Variants in ROBO1 observed in about 807,000 individuals in gnomAD.
The protein encoded by ROBO1 is roundabout guidance receptor 1.
ROBO1 carries 149 observed loss-of-function variants against 195.9 expected under a neutral mutation model. The ratio of observed to expected loss-of-function variants is 0.76; its 90% confidence interval spans 0.67 to 0.87. ROBO1 has a LOEUF of 0.87. Ranked by LOEUF, ROBO1 falls within the 40% of genes least tolerant of loss-of-function variation. ROBO1 has a pLI of 0.00. For missense variants in ROBO1, 1,933 were observed against 2,068.3 expected (o/e 0.93, Z 1.27); for synonymous variants, 816 against 733.2 (o/e 1.11, Z -1.82).
chr3:79,336,518 G>A (rs1208801758), intron 2 of ROBO1, among the ~76,000 whole-genome samples: 4 of 152,198 alleles, frequency 2.6e-5, no homozygotes, highest in Admixed American at 2.0e-4. Context: ...GAAGAATTGA[G>A]GTTTGGGAAC....
chr3:79,460,838 C>T (rs990824856), intron 2 of ROBO1, among the ~76,000 whole-genome samples: 1 of 152,102 alleles, frequency 6.6e-6, no homozygotes, highest in Admixed American at 6.5e-5. Flanking sequence ...AGCTGCACCT[C>T]CCTGGTTCAC....
At chr3:79,388,309 T>C (rs1218837116) in intron 2 of ROBO1, among the ~76,000 whole-genome samples, 1 of 151,976 alleles carries the variant, frequency 6.6e-6, no homozygotes, top group Non-Finnish European at 1.5e-5. Flanking sequence ...TTTCATATAA[T>C]TAAAAAGGGA....
intron 1 of ROBO1, among the ~76,000 whole-genome samples, chr3:79,686,618 T>G (rs1282597032): frequency 1.2e-4 from 18 of 152,256 alleles, no homozygotes; most frequent in Admixed American, 6.5e-4. Flanking sequence ...CCATTCACAA[T>G]TGCTTCAAAG....
chr3:78,746,806 A>C lies in ROBO1; in HGVS notation c.594T>G (p.Pro198=). 1 of 1,601,160 alleles carries C rather than the reference A, an allele frequency of 6.2e-7. No individual in the cohort carries two copies. Among genetic ancestry groups the C allele is most frequent in the Non-Finnish European group, 8.5e-7 (1 of 1,170,910 alleles). Residue 198 remains proline (P), a synonymous_variant, in exon 5 of 31, where the codon CCT becomes CCG. Transcript: ENST00000464233. The stretch of plus-strand genomic sequence containing the variant: ...CTTTCTTCCATGAAATGGTGGGCTC[A>C]GGATGGCCTCGTGGAGGTTGGCATT... ...VMECQPPRGH[P]EPTISWKKDG...
intron 8 of ROBO1, among the ~76,000 whole-genome samples, chr3:78,692,053 T>C (rs2081187578): frequency 1.3e-5 from 2 of 151,496 alleles, no homozygotes; most frequent in East Asian, 3.9e-4. Context: ...ATATAATACA[T>C]AATAAAGTAT....
chr3:78,606,428 T>C (rs1368139014), intron 29 of ROBO1, among the ~76,000 whole-genome samples: 1 of 152,208 alleles, frequency 6.6e-6, no homozygotes, highest in East Asian at 1.9e-4. Context: ...AACATTCATT[T>C]TCACACATTC....
chr3:79,065,082 C>T (rs2078982778), intron 3 of ROBO1, among the ~76,000 whole-genome samples: 1 of 151,920 alleles, frequency 6.6e-6, no homozygotes, highest in Admixed American at 6.6e-5. Flanking sequence ...TTAAAAGCTG[C>T]TTTTCCCGAT....
rs370372663 is a variant in ROBO1 at position 79,005,324 on chromosome 3, G to A, written c.173-66397C>T. Among the ~76,000 whole-genome samples, 4 of 152,286 alleles carry A rather than the reference G, an allele frequency of 2.6e-5. No individual in the cohort carries two copies. In the East Asian group the frequency reaches 7.7e-4, roughly 29 times the overall value. ...GAGCTGTAGCTCTAGAATTTAGCATGAGGAGGGCTGCCCCTGATAGATGTC... is the reference window on the plus strand; with the variant it reads ...GAGCTGTAGCTCTAGAATTTAGCATAAGGAGGGCTGCCCCTGATAGATGTC... On this transcript the variant is annotated intron_variant, in intron 3 of 30. Transcript: ENST00000464233.
intron 1 of ROBO1, among the ~76,000 whole-genome samples, chr3:79,694,375 AT>A (rs1462176223): frequency 6.6e-6 from 1 of 151,782 alleles, no homozygotes; most frequent in Admixed American, 6.6e-5. Flanking sequence ...AGTTTAATAG[AT>A]TTTTAGCTAA....
intron 2 of ROBO1, among the ~76,000 whole-genome samples, chr3:79,575,866 A>G (rs924576553): frequency 1.3e-5 from 2 of 151,898 alleles, no homozygotes; most frequent in Non-Finnish European, 2.9e-5. Context: ...CACAATTGTC[A>G]TATGTTTCCC....
intron 3 of ROBO1, among the ~76,000 whole-genome samples, chr3:79,052,870 G>A (rs1235713357): frequency 1.3e-5 from 2 of 152,056 alleles, no homozygotes; most frequent in Non-Finnish European, 2.9e-5. Context: ...GACAACTGAT[G>A]AGTAGTCTGT....
At position 79,484,305 on chromosome 3, in the gene ROBO1, T is replaced by C. The variant is rs145363486; in HGVS notation, c.88+105519A>G. 2.2e-3 allele frequency among the ~76,000 whole-genome samples: 339 copies of C among 152,292 alleles called. 1 individual carries two copies. The highest frequency in any genetic ancestry group is 7.7e-3 in the African/African-American group (322 of 41,572). On this transcript the variant is annotated intron_variant, in intron 2 of 30. Transcript: ENST00000464233. ...GTCAGTTTTCAAGAAAACTTTCAGA[T>C]GTCAGCACTTCCGTGAAGCCAGAAC...
At chr3:79,645,127 C>G (rs1353727659) in intron 1 of ROBO1, among the ~76,000 whole-genome samples, 5 of 151,962 alleles carry the variant, frequency 3.3e-5, no homozygotes, top group African/African-American at 1.2e-4. Context: ...TTCAAATGAA[C>G]AACCCAATGA....
chr3:78,877,220 T>A (rs552605900), intron 4 of ROBO1, among the ~76,000 whole-genome samples: 18 of 152,248 alleles, frequency 1.2e-4, no homozygotes, highest in Admixed American at 3.9e-4. Flanking sequence ...CATTTTAAAG[T>A]ATAATAAATG....
At chr3:79,300,252 G>C (rs983486662) in intron 2 of ROBO1, among the ~76,000 whole-genome samples, 3 of 152,220 alleles carry the variant, frequency 2.0e-5, no homozygotes, top group African/African-American at 7.2e-5. Context: ...GGCTGCGCTC[G>C]GCGCTTGCGG....
intron 2 of ROBO1, among the ~76,000 whole-genome samples, chr3:79,584,033 C>T (rs147659522): frequency 2.6e-5 from 4 of 151,716 alleles, no homozygotes; most frequent in African/African-American, 9.7e-5. Context: ...TTTTACAAAC[C>T]CATATATTTA....
At chr3:79,081,099 C>T (rs754903826) in intron 3 of ROBO1, among the ~76,000 whole-genome samples, 1 of 151,938 alleles carries the variant, frequency 6.6e-6, no homozygotes, top group Non-Finnish European at 1.5e-5. Context: ...TGCCTGAAAA[C>T]CCATTCTTTT....
intron 1 of ROBO1, among the ~76,000 whole-genome samples, chr3:79,638,375 T>C (rs1009297819): frequency 2.0e-5 from 3 of 152,190 alleles, no homozygotes; most frequent in Admixed American, 6.5e-5. Context: ...TTCTTAATTA[T>C]GTAATGGTCT....
intron 3 of ROBO1, among the ~76,000 whole-genome samples, chr3:79,101,743 T>C (rs953413217): frequency 2.0e-5 from 3 of 151,952 alleles, no homozygotes; most frequent in Admixed American, 6.6e-5. Flanking sequence ...CACAATGTTG[T>C]GAAGGCTGTA....
Sources: allele counts gnomAD v4.1 joint callset (sites outside exome capture counted in the v4.1 genomes callset), GRCh38; gene constraint gnomAD v4.1.1; transcripts MANE v1.5; gene names NCBI Gene and HGNC (gene_info 2026-07-23, HGNC 2026-07-21).